The following TRDN variants were observed in gnomAD, a reference collection of about 807,000 sequenced individuals.
TRDN encodes the protein triadin in skeletal muscle.
In TRDN, 161 loss-of-function variants were observed where a neutral mutation model predicts 149.7. That is an observed-to-expected ratio of 1.08 (90% CI 0.95 to 1.23). The LOEUF (loss-of-function observed/expected upper bound fraction) is 1.23, where lower values mean the gene tolerates loss of function less well. Ranked by LOEUF, TRDN falls within the 50% of genes most tolerant of loss-of-function variation. The probability of loss-of-function intolerance (pLI) is 0.00; values close to 1 mark genes in which losing one functional copy is unlikely to be tolerated. For synonymous variants in TRDN, 294 were observed against 250.5 expected (o/e 1.17, Z -1.64); for missense variants, 896 against 823.5 (o/e 1.09, Z -1.08).
At chr6:123,548,643 A>G (rs1416076040) in intron 2 of TRDN, 31 bp from the exon 3 acceptor site, 1 of 1,328,184 alleles carries the variant, frequency 7.5e-7, no homozygotes, top group South Asian at 2.2e-5. Context: ...AAAAAAAGAA[A>G]AAGTTTGTGA....
intron 23 of TRDN, among the ~76,000 whole-genome samples, chr6:123,327,615 A>T (rs1031956804): frequency 1.3e-5 from 2 of 152,130 alleles, no homozygotes; most frequent in African/African-American, 4.8e-5. Context: ...ACCCTGAACG[A>T]ATAAATTTTT....
At chr6:123,559,969 T>C (rs1781892276) in intron 2 of TRDN, among the ~76,000 whole-genome samples, 2 of 152,196 alleles carry the variant, frequency 1.3e-5, no homozygotes, top group African/African-American at 4.8e-5. Flanking sequence ...CTCAGCGAAT[T>C]ACCTGGGCTG....
At chr6:123,581,154 C>T (rs1483781262) in intron 1 of TRDN, among the ~76,000 whole-genome samples, 1 of 152,056 alleles carries the variant, frequency 6.6e-6, no homozygotes. Flanking sequence ...TTAAAGTGGC[C>T]AAAAGTTCCT....
intron 1 of TRDN, among the ~76,000 whole-genome samples, chr6:123,627,528 T>C (rs1178626190): frequency 6.6e-6 from 1 of 152,148 alleles, no homozygotes; most frequent in Non-Finnish European, 1.5e-5. Context: ...GTAAATTTAT[T>C]GTAATTCTTT....
chr6:123,530,018 G>C (rs1037747299), intron 5 of TRDN, among the ~76,000 whole-genome samples: 1 of 151,922 alleles, frequency 6.6e-6, no homozygotes, highest in South Asian at 2.1e-4. Flanking sequence ...TGCTGTCACT[G>C]TCCATCTACC....
intron 9 of TRDN, among the ~76,000 whole-genome samples, chr6:123,465,409 G>A (rs1776725511): frequency 6.6e-6 from 1 of 151,494 alleles, no homozygotes; most frequent in Non-Finnish European, 1.5e-5. Context: ...TATAATATAG[G>A]CAATAAAAGA....
intron 35 of TRDN, among the ~76,000 whole-genome samples, chr6:123,258,540 T>G (rs575405951): frequency 4.5e-4 from 68 of 152,286 alleles, no homozygotes; most frequent in African/African-American, 1.3e-3. Flanking sequence ...GGATTGCCAG[T>G]GTTTTATTGA....
intron 21 of TRDN, among the ~76,000 whole-genome samples, chr6:123,339,688 T>G (rs1315474489): frequency 6.6e-6 from 1 of 152,182 alleles, no homozygotes; most frequent in Non-Finnish European, 1.5e-5. Context: ...GTAAACCAAT[T>G]ATACAAAAGC....
intron 4 of TRDN, among the ~76,000 whole-genome samples, chr6:123,544,227 C>T (rs1022192888): frequency 6.8e-6 from 1 of 148,112 alleles, no homozygotes; most frequent in African/African-American, 2.5e-5. Flanking sequence ...TATTGAGAAG[C>T]CTTATGCACA....
In TRDN at chr6:123,218,536, C is replaced by T; in HGVS notation, c.*65G>A. On this transcript the variant is annotated 3_prime_UTR_variant, in exon 41 of 41. Coordinates refer to ENST00000334268, the MANE Select transcript of TRDN (RefSeq NM_006073.4). Reference sequence around the variant, plus strand: ...GGTTGCATATTCTTAATTGCCTGAACTACTGTGGACAAAACATCACATTTT... The same window carrying T: ...GGTTGCATATTCTTAATTGCCTGAATTACTGTGGACAAAACATCACATTTT... The T allele has an allele frequency of 6.5e-7, 1 of 1,530,156 alleles. No individual in the cohort carries two copies. The highest frequency in any genetic ancestry group is 1.4e-5 in the African/African-American group (1 of 71,816). The allele number at this position is 1,530,156 out of a possible 1,614,324, so 94.8% of individuals were successfully genotyped here. A position where few individuals can be genotyped will look rare whatever the true frequency, so the allele number is the denominator to read the frequency against.
rs889509017 is a variant in TRDN, at chr6:123,626,767, T to A, written c.22+9987A>T. On this transcript the variant is annotated intron_variant, in intron 1 of 40. Coordinates refer to ENST00000334268, the MANE Select transcript of TRDN (RefSeq NM_006073.4). ...AATAATAACAATAAAAATAAAAAAATTTGTAATGTAAAAATTATATTTTTT... is the reference window on the plus strand; with the variant it reads ...AATAATAACAATAAAAATAAAAAAAATTGTAATGTAAAAATTATATTTTTT... Among the ~76,000 whole-genome samples the A allele has an allele frequency of 3.3e-5, 5 of 151,854 alleles. No homozygotes were observed. The South Asian group carries it at 6.2e-4, about 19-fold the overall frequency.
chr6:123,607,923 A>G (rs1375004273), intron 1 of TRDN, among the ~76,000 whole-genome samples: 1 of 149,960 alleles, frequency 6.7e-6, no homozygotes, highest in Non-Finnish European at 1.5e-5. Flanking sequence ...TCTTGGCCTC[A>G]GGCAATTCTT....
rs77491363 is a variant in TRDN at position 123,316,730 on chromosome 6, A to C, written c.1472-235T>G. Among the ~76,000 whole-genome samples, 468 of 151,968 alleles carry C rather than the reference A, an allele frequency of 3.1e-3. 16 individuals carry two copies. In the East Asian group the frequency reaches 0.077, roughly 25 times the overall value. On this transcript the variant is annotated intron_variant, in intron 23 of 40. Coordinates refer to ENST00000334268, the MANE Select transcript of TRDN (RefSeq NM_006073.4). ...GATTTTAAAATCCAGTTTGCAAAAA[A>C]GTTTCATGCTAATCAAGTAATTTGG...
intron 24 of TRDN, among the ~76,000 whole-genome samples, chr6:123,311,646 G>A (rs182827758): frequency 2.0e-5 from 3 of 151,992 alleles, no homozygotes; most frequent in East Asian, 1.9e-4. Flanking sequence ...TTTAAGGGTC[G>A]TTAAACATGG....
At chr6:123,497,370 T>C (rs1778493975) in intron 8 of TRDN, 118 bp from the exon 9 acceptor site, 3 of 596,190 alleles carry the variant, frequency 5.0e-6, no homozygotes, top group Non-Finnish European at 8.1e-6. Flanking sequence ...GTTACTACAA[T>C]ATTTTCTGTA....
At chr6:123,557,159 T>C (rs917262412) in intron 2 of TRDN, among the ~76,000 whole-genome samples, 3 of 150,072 alleles carry the variant, frequency 2.0e-5, no homozygotes, top group Non-Finnish European at 4.4e-5. Flanking sequence ...TCACTGACTC[T>C]CTTTTCAGAC....
chr6:123,576,487 T>C (rs913826003), intron 1 of TRDN, among the ~76,000 whole-genome samples: 17 of 151,078 alleles, frequency 1.1e-4, no homozygotes, highest in African/African-American at 4.1e-4. Flanking sequence ...ATTTTTATTT[T>C]ATTTATCTAT....
At chr6:123,412,502 A>G (rs1189059717) in intron 12 of TRDN, among the ~76,000 whole-genome samples, 8 of 152,220 alleles carry the variant, frequency 5.3e-5, no homozygotes, top group African/African-American at 1.9e-4. Flanking sequence ...TTAATTGGAT[A>G]GTGCTGGAAG....
intron 2 of TRDN, among the ~76,000 whole-genome samples, chr6:123,555,362 A>G (rs947134567): frequency 6.6e-6 from 1 of 152,186 alleles, no homozygotes; most frequent in Non-Finnish European, 1.5e-5. Flanking sequence ...AAGTAAAGAC[A>G]AAATTAGAGA....
Sources: allele counts gnomAD v4.1 joint callset (sites outside exome capture counted in the v4.1 genomes callset), GRCh38; gene constraint gnomAD v4.1.1; transcripts MANE v1.5; gene names NCBI Gene and HGNC (gene_info 2026-07-23, HGNC 2026-07-21).